TOM1L2: variants seen among roughly 807,000 people sequenced by gnomAD.
TOM1L2 encodes the protein target of myb1 like 2 membrane trafficking protein, also known as TOM1-like protein 2.
TOM1L2 carries 31 observed loss-of-function variants against 67.9 expected under a neutral mutation model. That is an observed-to-expected ratio of 0.46 (90% CI 0.34 to 0.62). The LOEUF (loss-of-function observed/expected upper bound fraction) is 0.62. Ranked by LOEUF, TOM1L2 falls within the 20% of genes least tolerant of loss-of-function variation. The pLI is 0.01. For synonymous variants in TOM1L2, 256 were observed against 254.0 expected, an observed-to-expected ratio of 1.01 and a Z score of -0.07; for missense variants, 606 against 663.5, an observed-to-expected ratio of 0.91 and a Z score of 0.95.
chr17:17,872,220 A>G (rs1414329311), intron 7 of TOM1L2, among the ~76,000 whole-genome samples: 2 of 152,278 alleles, frequency 1.3e-5, no homozygotes, highest in African/African-American at 4.8e-5. Flanking sequence ...GGCCCTTAAC[A>G]TTAAAACAAA....
intron 12 of TOM1L2, 143 bp downstream of exon 12, chr17:17,861,333 G>C (rs2036546991): frequency 6.0e-6 from 4 of 669,720 alleles, no homozygotes; most frequent in Non-Finnish European, 1.0e-5. Flanking sequence ...GGTTCCACGG[G>C]GTGTCCCCCG....
intron 1 of TOM1L2, among the ~76,000 whole-genome samples, chr17:17,953,460 C>T (rs1308985925): frequency 6.6e-6 from 1 of 152,146 alleles, no homozygotes; most frequent in Admixed American, 6.5e-5. Context: ...GGATCACTTT[C>T]CCCACCTCAG....
At chr17:17,923,309 G>A (rs2039953346) in intron 1 of TOM1L2, among the ~76,000 whole-genome samples, 1 of 152,174 alleles carries the variant, frequency 6.6e-6, no homozygotes, top group Non-Finnish European at 1.5e-5. Context: ...GCTGAGGCAG[G>A]AGAATCACTT....
At chr17:17,911,310 T>A (rs953897859) in intron 1 of TOM1L2, among the ~76,000 whole-genome samples, 1 of 152,150 alleles carries the variant, frequency 6.6e-6, no homozygotes, top group Non-Finnish European at 1.5e-5. Flanking sequence ...CCCTGCCCTG[T>A]CCAGTCCAGC....
At chr17:17,921,850 G>C (rs1389353040) in intron 1 of TOM1L2, among the ~76,000 whole-genome samples, 4 of 152,104 alleles carry the variant, frequency 2.6e-5, no homozygotes, top group African/African-American at 9.7e-5. Flanking sequence ...CGCCTCCCAG[G>C]GGCTGTTCCC....
intron 4 of TOM1L2, among the ~76,000 whole-genome samples, chr17:17,888,978 G>A (rs1162217935): frequency 6.6e-6 from 1 of 152,240 alleles, no homozygotes; most frequent in Non-Finnish European, 1.5e-5. Flanking sequence ...GGGGGTAGAA[G>A]TGAGTGTCAG....
intron 7 of TOM1L2, among the ~76,000 whole-genome samples, chr17:17,879,336 G>T (rs1203533928): frequency 1.3e-5 from 2 of 152,190 alleles, no homozygotes; most frequent in Non-Finnish European, 2.9e-5. Flanking sequence ...GTCAAAGAAA[G>T]TTATTTTCTT....
chr17:17,903,232 CTG>C (rs1249827808), intron 2 of TOM1L2, among the ~76,000 whole-genome samples: 1 of 152,164 alleles, frequency 6.6e-6, no homozygotes, highest in Non-Finnish European at 1.5e-5. Flanking sequence ...CCTCATCAGA[CTG>C]TGAGTACCTT....
Position 17,879,709 on chromosome 17 carries a change from C to T in TOM1L2, c.695G>A (p.Arg232Gln), listed in dbSNP as rs1480281935. The T allele has an allele frequency of 3.1e-6, 5 of 1,614,086 alleles. No homozygotes were observed. The highest frequency in any genetic ancestry group is 2.2e-5 in the South Asian group (2 of 91,088). ...CTCAGACATGACTTTTGTGTTTCCTCGAACGACGTCCAGTTCACTCCGCAG... is the reference window on the plus strand; with the variant it reads ...CTCAGACATGACTTTTGTGTTTCCTTGAACGACGTCCAGTTCACTCCGCAG... Reference protein sequence around the residue: ...ARLRSELDVVRGNTKVMSEML... With the variant: ...ARLRSELDVVQGNTKVMSEML... Residue 232 changes from arginine (R) to glutamine (Q), a missense_variant, in exon 7 of 15, where the codon CGA (arginine) becomes CAA (glutamine). Physicochemically the swap from Arg to Gln is conservative, Grantham distance 43. Around this residue, in one of 2 missense-constraint regions of TOM1L2, gnomAD observed 543 missense variants for 554.0 expected, o/e 0.98. Transcript: ENST00000379504.
At position 17,907,433 on chromosome 17, in the gene TOM1L2, G is replaced by T. The variant is rs895407374; in HGVS notation, c.137+14C>A. 6.2e-7 allele frequency: 1 copy of T among 1,613,138 alleles called. No individual in the cohort carries two copies. The highest frequency in any genetic ancestry group is 1.1e-5 in the South Asian group (1 of 90,976). On this transcript the variant is annotated intron_variant, in intron 2 of 14. Coordinates refer to ENST00000379504, the MANE Select transcript of TOM1L2 (RefSeq NM_001082968.2). ...AGCTCAGAGAGGCTTCCCAGGAGAG[G>T]GGGGCACACGTACCCTTCCTCCGTC...
chr17:17,924,722 A>G (rs2040015735), intron 1 of TOM1L2, among the ~76,000 whole-genome samples: 1 of 152,208 alleles, frequency 6.6e-6, no homozygotes, highest in African/African-American at 2.4e-5. Context: ...CCGTGATCAC[A>G]TCACTGCACT....
At chr17:17,956,566 G>T (rs760843312) in intron 1 of TOM1L2, among the ~76,000 whole-genome samples, 15 of 152,206 alleles carry the variant, frequency 9.9e-5, no homozygotes, top group Non-Finnish European at 1.6e-4. Context: ...CCTTGGGGAG[G>T]TTCGGGCCGC....
chr17:17,888,380 T>C (rs1484087619), intron 4 of TOM1L2, among the ~76,000 whole-genome samples: 1 of 152,258 alleles, frequency 6.6e-6, no homozygotes, highest in Non-Finnish European at 1.5e-5. Flanking sequence ...TATTCATTTC[T>C]GTATCCCTGA....
chr17:17,884,815 T>C (rs371446968), intron 4 of TOM1L2, 47 bp from the exon 5 acceptor site: 1 of 1,609,448 alleles, frequency 6.2e-7, no homozygotes, highest in Non-Finnish European at 8.5e-7. Flanking sequence ...AGAGCTGCCA[T>C]GGTATCTGAA....
intron 1 of TOM1L2, among the ~76,000 whole-genome samples, chr17:17,922,715 G>A (rs557529521): frequency 1.9e-4 from 29 of 152,304 alleles, no homozygotes; most frequent in African/African-American, 6.3e-4. Context: ...TATAAGACAC[G>A]AAACAGGGAA....
rs763773589 is a variant in TOM1L2, at chr17:17,879,739, G to A, written c.665C>T (p.Ala222Val). 3 of 1,613,944 alleles carry A rather than the reference G, an allele frequency of 1.9e-6. No homozygotes were observed. Among genetic ancestry groups the A allele is most frequent in the Middle Eastern group, 1.6e-4 (1 of 6,062 alleles). ...GPITANSEQI[A>V]RLRSELDVVR... The stretch of plus-strand genomic sequence containing the variant: ...GACGTCCAGTTCACTCCGCAGCCTG[G>A]CAATCTGGTGGGGGCCACGAGGAAG... Residue 222 changes from alanine (A) to valine (V), a missense_variant, in exon 7 of 15, where the codon GCC becomes GTC. Ala to Val is a moderately conservative substitution (Grantham distance 64). Transcript: ENST00000379504.
rs1443895258 is a variant in TOM1L2, at chr17:17,844,277, AGG to A, written c.*3356_*3357del. 6.6e-6 allele frequency: 1 copy of A among 152,222 alleles called. No individual in the cohort carries two copies. Among genetic ancestry groups the A allele is most frequent in the South Asian group, 2.1e-4 (1 of 4,824 alleles). 9.4% of individuals were successfully genotyped at this position (152,222 alleles called of 1,614,324 possible). On this transcript the variant is annotated 3_prime_UTR_variant, in exon 15 of 15. Transcript: ENST00000379504. ...AGGGTGGGGTGTGGCAGCGGGAAGG[AGG>A]GGGGCAGGAGCGTGAGCATCGGCAG...
chr17:17,899,889 G>T (rs1369420092), intron 2 of TOM1L2, among the ~76,000 whole-genome samples: 26 of 152,190 alleles, frequency 1.7e-4, no homozygotes, highest in Admixed American at 1.7e-3. Context: ...GAGGGGAAAG[G>T]GTTGATGCTC....
chr17:17,955,403 A>C (rs1424446083), intron 1 of TOM1L2, among the ~76,000 whole-genome samples: 1 of 142,528 alleles, frequency 7.0e-6, no homozygotes, highest in Non-Finnish European at 1.5e-5. Flanking sequence ...CAGTGACGAC[A>C]TCTCTGCTCA....
Sources: allele counts gnomAD v4.1 joint callset (sites outside exome capture counted in the v4.1 genomes callset), GRCh38; gene constraint gnomAD v4.1.1; regional missense constraint gnomAD v4.1.1; transcripts MANE v1.5; gene names NCBI Gene and HGNC (gene_info 2026-07-23, HGNC 2026-07-21).